The following GYPC variants were observed in gnomAD, a reference collection of about 807,000 sequenced individuals.
GYPC encodes the protein glycophorin C (Gerbich blood group).
GYPC carries 14 observed loss-of-function variants against 12.6 expected under a neutral mutation model. The ratio of observed to expected loss-of-function variants is 1.11; its 90% CI spans 0.74 to 1.74. The LOEUF (loss-of-function observed/expected upper bound fraction) is 1.74. GYPC is among the 40% of genes most tolerant of loss of function. The pLI, the probability that GYPC is intolerant of heterozygous loss-of-function variation, is 0.00. For synonymous variants in GYPC, 78 were observed against 62.1 expected, an observed-to-expected ratio of 1.26 and a Z score of -1.20; for missense variants, 225 against 172.1, an observed-to-expected ratio of 1.31 and a Z score of -1.72.
chr2:126,666,224 G>C (rs1286435875), intron 1 of GYPC, among the ~76,000 whole-genome samples: 1 of 152,146 alleles, frequency 6.6e-6, no homozygotes, highest in Non-Finnish European at 1.5e-5. Flanking sequence ...GTGGGCAGCT[G>C]CCTCCCAAGG....
chr2:126,666,221 GC>G (rs1447594867), intron 1 of GYPC, among the ~76,000 whole-genome samples: 1 of 152,178 alleles, frequency 6.6e-6, no homozygotes, highest in Non-Finnish European at 1.5e-5. Flanking sequence ...GGAGTGGGCA[GC>G]TGCCTCCCAA....
chr2:126,657,098 A>G (rs570840276), intron 1 of GYPC, among the ~76,000 whole-genome samples: 2 of 152,356 alleles, frequency 1.3e-5, no homozygotes, highest in South Asian at 4.1e-4. Context: ...TGAGCCTATC[A>G]TGTGACAATG....
At chr2:126,686,185 G>A (rs1002717190) in intron 1 of GYPC, 24 of 985,284 alleles carry the variant, frequency 2.4e-5, no homozygotes, top group Non-Finnish European at 2.8e-5. Context: ...ACAGAGGAGT[G>A]TGACTTCCAG....
chr2:126,677,725 C>T (rs12612739), intron 1 of GYPC, among the ~76,000 whole-genome samples: 24,467 of 151,974 alleles, frequency 0.16, 2,521 homozygotes, highest in East Asian at 0.42. Context: ...ACACGAGGGT[C>T]CGGGAGGGGT....
At chr2:126,692,434 T>C (rs1318010172) in intron 2 of GYPC, among the ~76,000 whole-genome samples, 1 of 152,150 alleles carries the variant, frequency 6.6e-6, no homozygotes, top group African/African-American at 2.4e-5. Context: ...GCAGCTGCAC[T>C]GGGGAGAATG....
intron 1 of GYPC, chr2:126,675,718 G>A (rs1409974289): frequency 1.1e-5 from 11 of 983,696 alleles, no homozygotes; most frequent in Non-Finnish European, 1.3e-5. Context: ...TGATCTTCAG[G>A]ATCCTTCATT....
chr2:126,656,161 C>T lies in GYPC; in HGVS notation c.-103C>T. The T allele has an allele frequency of 2.7e-6, 4 of 1,498,780 alleles. No individual in the cohort carries two copies. Among genetic ancestry groups the T allele is most frequent in the Middle Eastern group, 4.8e-4 (2 of 4,196 alleles). 92.8% of individuals were successfully genotyped at this position (1,498,780 alleles called of 1,614,324 possible). A position where few individuals can be genotyped will look rare whatever the true frequency, so the allele number is the denominator to read the frequency against. ...GAGTGTGACCCAGGTGCCGCTTCCT[C>T]TCGCCGCCGAGGGTCAGGAGCCCGG... On this transcript the variant is annotated 5_prime_UTR_variant, in exon 1 of 4. Transcript: ENST00000259254.
intron 3 of GYPC, among the ~76,000 whole-genome samples, chr2:126,695,048 C>G (rs1009616159): frequency 2.0e-5 from 3 of 152,180 alleles, no homozygotes; most frequent in African/African-American, 7.2e-5. Context: ...GTGGCCAAGT[C>G]CTGCTCCTCC....
intron 2 of GYPC, among the ~76,000 whole-genome samples, chr2:126,690,942 C>A (rs1683445677): frequency 1.3e-5 from 2 of 151,928 alleles, no homozygotes; most frequent in African/African-American, 4.8e-5. Flanking sequence ...GAAACATCTA[C>A]AATTTGAAAA....
chr2:126,656,270 T>C lies in GYPC; in HGVS notation c.7T>C (p.Ser3Pro). The C allele has an allele frequency of 6.2e-7, 1 of 1,603,436 alleles. No individual in the cohort carries two copies. Among genetic ancestry groups the C allele is most frequent in the Non-Finnish European group, 8.5e-7 (1 of 1,176,676 alleles). Residue 3 changes from serine to proline, a missense_variant, in exon 1 of 4, where the codon TCG becomes CCG. By Grantham distance (74) the Ser-to-Pro change is moderately conservative (BLOSUM62 -1). Transcript: ENST00000259254. MWSTRSPNSTAWP... is the reference protein window; with the variant it reads MWPTRSPNSTAWP... ...CCCGGGCTGACGCCCAGGAATGTGG[T>C]CGACGAGAAGCCCCAACAGCACGGC...
chr2:126,681,678 G>C (rs1026905710), intron 1 of GYPC, among the ~76,000 whole-genome samples: 2 of 151,762 alleles, frequency 1.3e-5, no homozygotes, highest in African/African-American at 4.8e-5. Flanking sequence ...GGGCTACACT[G>C]TTGTGCCACC....
chr2:126,693,226 GAGAGC>G (rs1226078882), intron 2 of GYPC, among the ~76,000 whole-genome samples: 6 of 152,354 alleles, frequency 3.9e-5, no homozygotes, highest in Admixed American at 3.9e-4. Flanking sequence ...TTAGTCACTG[GAGAGC>G]AGGTTGTTAT....
intron 1 of GYPC, among the ~76,000 whole-genome samples, chr2:126,671,405 A>T (rs1438568244): frequency 1.3e-5 from 2 of 152,200 alleles, no homozygotes; most frequent in Non-Finnish European, 2.9e-5. Context: ...AGTTCAGAAA[A>T]CAGTGCTTTA....
chr2:126,665,487 A>G (rs1682652254), intron 1 of GYPC, among the ~76,000 whole-genome samples: 1 of 152,226 alleles, frequency 6.6e-6, no homozygotes, highest in African/African-American at 2.4e-5. Context: ...AGGGGGAACC[A>G]CCGATTCATG....
At chr2:126,672,362 A>G (rs1573562999) in intron 1 of GYPC, among the ~76,000 whole-genome samples, 2 of 152,192 alleles carry the variant, frequency 1.3e-5, no homozygotes, top group East Asian at 3.9e-4. Flanking sequence ...CAGTCCCTGA[A>G]ATGGGGGGCT....
chr2:126,682,697 A>G (rs9646710), intron 1 of GYPC, among the ~76,000 whole-genome samples: 17,234 of 152,166 alleles, frequency 0.11, 1,056 homozygotes, highest in Admixed American at 0.15. Context: ...AGCCACGCCA[A>G]CTGTTCAGGG....
chr2:126,656,294 G>A lies in GYPC; in HGVS notation c.31G>A (p.Ala11Thr). ...GTCGACGAGAAGCCCCAACAGCACG[G>A]CGTGGCCTCTCAGCCTCGGTGAGTA... is the stretch of plus-strand genomic sequence containing the variant. Reference protein sequence around the residue: MWSTRSPNSTAWPLSLEPDPG... With the variant: MWSTRSPNSTTWPLSLEPDPG... Residue 11 changes from alanine (A) to threonine (T), a missense_variant, in exon 1 of 4, where the codon GCG becomes ACG. Coordinates refer to ENST00000259254, the MANE Select transcript of GYPC (RefSeq NM_002101.5). The A allele has an allele frequency of 6.3e-7, 1 of 1,599,608 alleles. No individual in the cohort carries two copies. Among genetic ancestry groups the A allele is most frequent in the Non-Finnish European group, 8.5e-7 (1 of 1,174,692 alleles).
At chr2:126,659,904 C>T (rs1414435192) in intron 1 of GYPC, among the ~76,000 whole-genome samples, 4 of 151,948 alleles carry the variant, frequency 2.6e-5, no homozygotes, top group Non-Finnish European at 5.9e-5. Flanking sequence ...GATTCTCTGC[C>T]TCAACCTCCC....
At chr2:126,678,129 G>A (rs968030080) in intron 1 of GYPC, among the ~76,000 whole-genome samples, 5 of 152,146 alleles carry the variant, frequency 3.3e-5, no homozygotes, top group Non-Finnish European at 7.3e-5. Context: ...GGCTGAGGCA[G>A]GAGAATCACT....
Sources: gnomAD v4.1 joint callset for allele counts (sites outside exome capture counted in the v4.1 genomes callset) on GRCh38, gnomAD v4.1.1 for gene constraint, MANE v1.5 for transcripts, NCBI Gene and HGNC (gene_info 2026-07-23, HGNC 2026-07-21) for gene names.